LCE1C: variants seen among roughly 807,000 people sequenced by gnomAD.
The protein encoded by LCE1C is late cornified envelope protein 1C.
Under a neutral mutation model 0.7 loss-of-function variants are expected in LCE1C, and 1 was observed. That is an observed-to-expected ratio of 1.44 (90% CI 0.51 to 6.83). The LOEUF (loss-of-function observed/expected upper bound fraction) is 6.83, where lower values mean the gene tolerates loss of function less well. Ranked by LOEUF, LCE1C falls within the 30% of genes most tolerant of loss-of-function variation. The pLI, the probability that LCE1C is intolerant of heterozygous loss-of-function variation, is 0.14. For missense variants in LCE1C, 136 were observed against 149.6 expected (o/e 0.91, Z 0.48); for synonymous variants, 72 against 57.9 (o/e 1.24, Z -1.10).
Position 152,804,850 on chromosome 1 carries a change from T to C in LCE1C, c.*272A>G. On this transcript the variant is annotated 3_prime_UTR_variant, in exon 2 of 2. Coordinates refer to ENST00000607093, the MANE Select transcript of LCE1C (RefSeq NM_178351.4). The stretch of plus-strand genomic sequence containing the variant: ...GAGCAGATTCCTTGTTTTAGTCCTT[T>C]AATCAGCAGATGCACGCTGCAAATG... The C allele has an allele frequency of 2.1e-6, 1 of 466,192 alleles. No homozygotes were observed. The highest frequency in any genetic ancestry group is 3.8e-6 in the Non-Finnish European group (1 of 266,630). The allele number at this position is 466,192 out of a possible 1,614,324, so 28.9% of individuals were successfully genotyped here. A position where few individuals can be genotyped will look rare whatever the true frequency, so the allele number is the denominator to read the frequency against.
In LCE1C at chr1:152,805,200, A is replaced by T; in HGVS notation, c.279T>A (p.Ser93=). Residue 93 remains serine, a synonymous_variant, in exon 2 of 2, where the codon TCT becomes TCA. Transcript: ENST00000607093. ...CCCCCGAGGGCTGGCTGCAGCAGCC[A>T]GAGCTCTGGGGTCTGTGGCAGTGGG... ...RRSHCHRPQS[S]GCCSQPSGGS... The T allele has an allele frequency of 1.2e-6, 2 of 1,613,688 alleles. No homozygotes were observed. Among genetic ancestry groups the T allele is most frequent in the Non-Finnish European group, 1.7e-6 (2 of 1,179,970 alleles).
rs780385036 is a variant in LCE1C at position 152,805,334 on chromosome 1, C to T, written c.145G>A (p.Gly49Arg). 23 of 1,613,722 alleles carry T rather than the reference C, an allele frequency of 1.4e-5. No individual in the cohort carries two copies. Among genetic ancestry groups the T allele is most frequent in the African/African-American group, 9.4e-5 (7 of 74,790 alleles). The change falls in exon 2 of 2, where the codon GGA becomes AGA. Residue 49 changes from glycine to arginine, a missense_variant. Gly to Arg is a moderately radical substitution (Grantham distance 125). Transcript: ENST00000607093. ...PVSSCCSVSS[G>R]GCCGSSSGGS... ...CCAGAGCTGGAGCCACAGCAGCCTCCGGAGCTGACACTGCAGCAGGAAGAG... is the reference window on the plus strand; with the variant it reads ...CCAGAGCTGGAGCCACAGCAGCCTCTGGAGCTGACACTGCAGCAGGAAGAG...
intron 1 of LCE1C, among the ~76,000 whole-genome samples, chr1:152,806,217 A>G (rs543558954): frequency 1.6e-4 from 25 of 152,340 alleles, no homozygotes; most frequent in Admixed American, 3.9e-4. Flanking sequence ...AAAAAGCCCT[A>G]AAAGATCCAT....
chr1:152,804,926 G>T lies in LCE1C; in HGVS notation c.*196C>A, dbSNP rs938893301. On this transcript the variant is annotated 3_prime_UTR_variant, in exon 2 of 2. Transcript: ENST00000607093. ...CAGAGCGTGGGAGGGTAGCCACAAA[G>T]GTGAGGTCCAAGGCCAGTGAATGGA... The T allele has an allele frequency of 7.2e-6, 5 of 697,986 alleles. No homozygotes were observed. The highest frequency in any genetic ancestry group is 5.3e-5 in the African/African-American group (3 of 56,236). 43.2% of individuals were successfully genotyped at this position (697,986 alleles called of 1,614,324 possible). A position where few individuals can be genotyped will look rare whatever the true frequency, so the allele number is the denominator to read the frequency against.
At position 152,805,436 on chromosome 1, in the gene LCE1C, T is replaced by TA; in HGVS notation, c.42_43insT (p.Lys15Ter). 6.2e-7 allele frequency: 1 copy of TA among 1,610,014 alleles called. No individual in the cohort carries two copies. The highest frequency in any genetic ancestry group is 1.7e-5 in the Admixed American group (1 of 59,686). On this transcript the variant is annotated frameshift_variant, in exon 2 of 2. Transcript: ENST00000607093. LOFTEE classifies it high-confidence loss of function. The stretch of plus-strand genomic sequence containing the variant: ...TTGGGAGGGCACTTGGGGGTGCACT[T>TA]GGGAGGGGGCTGGCACTGCTGCTGG...
rs761359907 is a variant in LCE1C at position 152,805,426 on chromosome 1, G to A, written c.53C>T (p.Pro18Leu). The A allele has an allele frequency of 1.2e-6, 2 of 1,613,788 alleles. No individual in the cohort carries two copies. Among genetic ancestry groups the A allele is most frequent in the African/African-American group, 2.7e-5 (2 of 74,888 alleles). ...QQCQPPPKCT[P>L]KCPPKCPTPK... Reference sequence around the variant, plus strand: ...GGTGGGGCACTTGGGAGGGCACTTGGGGGTGCACTTGGGAGGGGGCTGGCA... The same window carrying A: ...GGTGGGGCACTTGGGAGGGCACTTGAGGGTGCACTTGGGAGGGGGCTGGCA... The change falls in exon 2 of 2, where the codon CCC (proline) becomes CTC (leucine). Residue 18 changes from proline (P) to leucine (L), a missense_variant. Physicochemically the swap from Pro to Leu is moderately conservative, Grantham distance 98. Transcript: ENST00000607093.
In LCE1C at chr1:152,805,449, G is replaced by A; in HGVS notation, c.30C>T (p.Cys10=). Residue 10 remains cysteine, a synonymous_variant, in exon 2 of 2, where the codon TGC becomes TGT. Coordinates refer to ENST00000607093, the MANE Select transcript of LCE1C (RefSeq NM_178351.4). ...TGGGGGTGCACTTGGGAGGGGGCTG[G>A]CACTGCTGCTGGCTCTGCTGGCAGG... MSCQQSQQQ[C]QPPPKCTPKC... 6.2e-7 allele frequency: 1 copy of A among 1,614,082 alleles called. No individual in the cohort carries two copies. Among genetic ancestry groups the A allele is most frequent in the Non-Finnish European group, 8.5e-7 (1 of 1,179,966 alleles).
At position 152,805,019 on chromosome 1, in the gene LCE1C, T is replaced by A; in HGVS notation, c.*103A>T. On this transcript the variant is annotated 3_prime_UTR_variant, in exon 2 of 2. Transcript: ENST00000607093. The stretch of plus-strand genomic sequence containing the variant: ...TATGCTCTTGGCAAGTTCAGAGCTT[T>A]CCCTTGGACCTGTGAGCCTCTCAGG... The A allele has an allele frequency of 7.2e-7, 1 of 1,379,982 alleles. No individual in the cohort carries two copies. The highest frequency in any genetic ancestry group is 9.9e-7 in the Non-Finnish European group (1 of 1,011,194). The allele number at this position is 1,379,982 out of a possible 1,614,324, so 85.5% of individuals were successfully genotyped here.
chr1:152,806,248 A>G (rs1392841989), intron 1 of LCE1C, among the ~76,000 whole-genome samples: 1 of 152,198 alleles, frequency 6.6e-6, no homozygotes, highest in Non-Finnish European at 1.5e-5. Flanking sequence ...TACTCCACTG[A>G]TTGAGAACTA....
In LCE1C at chr1:152,804,856, G is replaced by A. The variant is rs1372798074; in HGVS notation, c.*266C>T. 4.1e-6 allele frequency: 2 copies of A among 482,528 alleles called. No homozygotes were observed. The highest frequency in any genetic ancestry group is 7.2e-6 in the Non-Finnish European group (2 of 276,060). 29.9% of individuals were successfully genotyped at this position (482,528 alleles called of 1,614,324 possible). On this transcript the variant is annotated 3_prime_UTR_variant, in exon 2 of 2. Coordinates refer to ENST00000607093, the MANE Select transcript of LCE1C (RefSeq NM_178351.4). Reference sequence around the variant, plus strand: ...ATTCCTTGTTTTAGTCCTTTAATCAGCAGATGCACGCTGCAAATGACATTG... The same window carrying A: ...ATTCCTTGTTTTAGTCCTTTAATCAACAGATGCACGCTGCAAATGACATTG...
intron 1 of LCE1C, 40 bp from the exon 2 acceptor site, chr1:152,805,538 G>A (rs1031377424): frequency 3.6e-6 from 5 of 1,398,780 alleles, no homozygotes; most frequent in Admixed American, 3.4e-5. Context: ...CTAGGCAGAG[G>A]CCACCCCTGC....
chr1:152,805,027 A>T lies in LCE1C; in HGVS notation c.*95T>A, dbSNP rs1163724358. On this transcript the variant is annotated 3_prime_UTR_variant, in exon 2 of 2. Coordinates refer to ENST00000607093, the MANE Select transcript of LCE1C (RefSeq NM_178351.4). ...TGGCAAGTTCAGAGCTTTCCCTTGG[A>T]CCTGTGAGCCTCTCAGGCAGGCCTA... 2.1e-6 allele frequency: 3 copies of T among 1,418,432 alleles called. No homozygotes were observed. Among genetic ancestry groups the T allele is most frequent in the Non-Finnish European group, 2.9e-6 (3 of 1,045,712 alleles). The allele number at this position is 1,418,432 out of a possible 1,614,324, so 87.9% of individuals were successfully genotyped here.
chr1:152,805,113 G>C lies in LCE1C; in HGVS notation c.*9C>G. On this transcript the variant is annotated 3_prime_UTR_variant, in exon 2 of 2. Transcript: ENST00000607093. ...CCTGGATTCTGCTCTTCTAGGCTCA[G>C]GGTCCACTTCAGCAGCAGCCTCCAG... 1.3e-6 allele frequency: 2 copies of C among 1,583,008 alleles called. No homozygotes were observed. Among genetic ancestry groups the C allele is most frequent in the East Asian group, 4.5e-5 (2 of 44,648 alleles).
At chr1:152,805,984 G>A (rs1451967220) in intron 1 of LCE1C, among the ~76,000 whole-genome samples, 1 of 152,162 alleles carries the variant, frequency 6.6e-6, no homozygotes, top group African/African-American at 2.4e-5. Context: ...GAGACAGGCT[G>A]GTCTCACAGG....
In LCE1C at chr1:152,804,983, C is replaced by T; in HGVS notation, c.*139G>A. 1 of 1,100,932 alleles carries T rather than the reference C, an allele frequency of 9.1e-7. No individual in the cohort carries two copies. The highest frequency in any genetic ancestry group is 3.1e-4 in the Middle Eastern group (1 of 3,200). 68.2% of individuals were successfully genotyped at this position (1,100,932 alleles called of 1,614,324 possible). A position where few individuals can be genotyped will look rare whatever the true frequency, so the allele number is the denominator to read the frequency against. Reference sequence around the variant, plus strand: ...GGAGAGGATCTGAGTTTCTGGACTCCAGGGAAAAGATATGCTCTTGGCAAG... The same window carrying T: ...GGAGAGGATCTGAGTTTCTGGACTCTAGGGAAAAGATATGCTCTTGGCAAG... On this transcript the variant is annotated 3_prime_UTR_variant, in exon 2 of 2. Coordinates refer to ENST00000607093, the MANE Select transcript of LCE1C (RefSeq NM_178351.4).
intron 1 of LCE1C, among the ~76,000 whole-genome samples, chr1:152,806,213 C>T (rs968111669): frequency 4.6e-5 from 7 of 152,282 alleles, no homozygotes; most frequent in African/African-American, 1.7e-4. Context: ...TTTCAAAAAG[C>T]CCTAAAAGAT....
At position 152,805,117 on chromosome 1, in the gene LCE1C, C is replaced by T; in HGVS notation, c.*5G>A. On this transcript the variant is annotated 3_prime_UTR_variant, in exon 2 of 2. Transcript: ENST00000607093. ...GATTCTGCTCTTCTAGGCTCAGGGT[C>T]CACTTCAGCAGCAGCCTCCAGAGTG... 6.3e-7 allele frequency: 1 copy of T among 1,587,388 alleles called. No homozygotes were observed. The highest frequency in any genetic ancestry group is 2.2e-5 in the East Asian group (1 of 44,698).
At position 152,806,624 on chromosome 1, in the gene LCE1C, C is replaced by A; in HGVS notation, c.-44G>T. ...ACCGGGGTCACAGGCAGCACAGGGTCCTTCAGCACCTCGGGAGGTGAGTGG... is the reference window on the plus strand; with the variant it reads ...ACCGGGGTCACAGGCAGCACAGGGTACTTCAGCACCTCGGGAGGTGAGTGG... On this transcript the variant is annotated 5_prime_UTR_variant, in exon 1 of 2. Transcript: ENST00000607093. The A allele has an allele frequency of 6.6e-6, 1 of 152,618 alleles. No individual in the cohort carries two copies. The highest frequency in any genetic ancestry group is 1.5e-5 in the Non-Finnish European group (1 of 68,298). 9.5% of individuals were successfully genotyped at this position (152,618 alleles called of 1,614,324 possible). A position where few individuals can be genotyped will look rare whatever the true frequency, so the allele number is the denominator to read the frequency against.
At chr1:152,805,638 T>A (rs1211703968) in intron 1 of LCE1C, 140 bp from the exon 2 acceptor site, 1 of 723,756 alleles carries the variant, frequency 1.4e-6, no homozygotes. Context: ...CTGAAAATTT[T>A]GTTGTTTCTT....
Sources: allele counts gnomAD v4.1 joint callset (sites outside exome capture counted in the v4.1 genomes callset), GRCh38; gene constraint gnomAD v4.1.1; transcripts MANE v1.5; gene names NCBI Gene and HGNC (gene_info 2026-07-23, HGNC 2026-07-21).